The following DLG2 variants were observed in gnomAD, a reference collection of about 807,000 sequenced individuals.
DLG2 encodes disks large homolog 2.
In DLG2, 45 loss-of-function variants were observed where a neutral mutation model predicts 132.5. The ratio of observed to expected loss-of-function variants is 0.34; its 90% CI spans 0.27 to 0.44. The LOEUF (loss-of-function observed/expected upper bound fraction) is 0.44. Among genes scored for constraint, DLG2 ranks in the 20% least tolerant of loss-of-function variants. DLG2 has a pLI of 1.00. For synonymous variants in DLG2, 424 were observed against 419.6 expected (o/e 1.01, Z -0.13); for missense variants, 1,045 against 1,196.9 (o/e 0.87, Z 1.87).
At position 83,769,967 on chromosome 11, in the gene DLG2, C is replaced by T. The variant is rs557202431; in HGVS notation, c.1825+16723G>A. Among the ~76,000 whole-genome samples the T allele has an allele frequency of 3.9e-5, 6 of 152,226 alleles. No homozygotes were observed. In the South Asian group the frequency reaches 8.3e-4, roughly 21 times the overall value. On this transcript the variant is annotated intron_variant, in intron 18 of 27. Coordinates refer to ENST00000376104, the MANE Select transcript of DLG2 (RefSeq NM_001142699.3). The stretch of plus-strand genomic sequence containing the variant: ...TCCTCTGGAATGGAGGGGTGGTGCT[C>T]CAATCTGTGGTGCCCAAAAACCCAA...
intron 7 of DLG2, among the ~76,000 whole-genome samples, chr11:84,348,478 G>A (rs1232095921): frequency 6.6e-6 from 1 of 152,172 alleles, no homozygotes; most frequent in East Asian, 1.9e-4. Context: ...AATATTCAGG[G>A]ATCTCTGGAA....
At chr11:84,794,675 C>G (rs1283138287) in intron 6 of DLG2, among the ~76,000 whole-genome samples, 1 of 152,212 alleles carries the variant, frequency 6.6e-6, no homozygotes, top group Non-Finnish European at 1.5e-5. Flanking sequence ...TGCTCCCGCT[C>G]CCTGGTCTCT....
chr11:83,721,298 C>A (rs974786168), intron 18 of DLG2, among the ~76,000 whole-genome samples: 1 of 152,154 alleles, frequency 6.6e-6, no homozygotes, highest in African/African-American at 2.4e-5. Context: ...TTGCATGGTT[C>A]CAATATGCAT....
intron 6 of DLG2, chr11:84,923,387 T>G: frequency 9.5e-7 from 1 of 1,054,124 alleles, no homozygotes; most frequent in African/African-American, 1.7e-5. Context: ...AAGACCTCAG[T>G]TGCTTTTCCT....
chr11:84,664,744 A>G (rs1178881733), intron 6 of DLG2, among the ~76,000 whole-genome samples: 3 of 152,078 alleles, frequency 2.0e-5, no homozygotes, highest in Admixed American at 2.0e-4. Context: ...AGCCAGCTTT[A>G]TTTTCTATCA....
At chr11:83,597,091 A>G (rs985502618) in intron 19 of DLG2, among the ~76,000 whole-genome samples, 8 of 152,218 alleles carry the variant, frequency 5.3e-5, no homozygotes, top group Non-Finnish European at 1.0e-4. Flanking sequence ...GTTCCAGTTC[A>G]GTCATTGCCA....
chr11:85,094,200 A>G (rs1442900146), intron 6 of DLG2, among the ~76,000 whole-genome samples: 2 of 152,156 alleles, frequency 1.3e-5, no homozygotes, highest in Non-Finnish European at 2.9e-5. Flanking sequence ...TGTTCTTCCA[A>G]TTCTAGAAAA....
chr11:83,728,810 T>C (rs181370858), intron 18 of DLG2, among the ~76,000 whole-genome samples: 2 of 152,324 alleles, frequency 1.3e-5, no homozygotes, highest in Admixed American at 6.5e-5. Context: ...GGGAATCCAT[T>C]TGGTCCCTGC....
chr11:84,853,119 G>A (rs1439669736), intron 6 of DLG2, among the ~76,000 whole-genome samples: 1 of 151,964 alleles, frequency 6.6e-6, no homozygotes, highest in African/African-American at 2.4e-5. Context: ...GAGGTTCAGA[G>A]TGGTTATTTG....
Position 83,755,516 on chromosome 11 carries a change from G to GT in DLG2, c.1825+31173dup, listed in dbSNP as rs2093609702. On this transcript the variant is annotated intron_variant, in intron 18 of 27. Coordinates refer to ENST00000376104, the MANE Select transcript of DLG2 (RefSeq NM_001142699.3). ...ATTAACAAAGGGTAAATATAGGAAT[G>GT]TTTTATTACTTTCCCAGACTCAAAA... 1.3e-5 allele frequency among the ~76,000 whole-genome samples: 2 copies of GT among 151,410 alleles called. 1 individual carries two copies. Among genetic ancestry groups the GT allele is most frequent in the African/African-American group, 4.9e-5 (2 of 40,806 alleles).
At chr11:84,176,451 C>A (rs1596672153) in intron 8 of DLG2, among the ~76,000 whole-genome samples, 2 of 150,912 alleles carry the variant, frequency 1.3e-5, no homozygotes, top group African/African-American at 2.4e-5. Context: ...TACGTATATG[C>A]ACGGGGCAGT....
At chr11:84,383,887 C>T (rs149140896) in intron 7 of DLG2, among the ~76,000 whole-genome samples, 11 of 151,996 alleles carry the variant, frequency 7.2e-5, no homozygotes, top group East Asian at 1.9e-4. Flanking sequence ...AGGGACTGTT[C>T]GTGGAAATGT....
intron 6 of DLG2, among the ~76,000 whole-genome samples, chr11:84,990,988 G>A (rs2057031452): frequency 6.6e-6 from 1 of 152,096 alleles, no homozygotes; most frequent in African/African-American, 2.4e-5. Context: ...TTCAATGGGT[G>A]AATGTTAAAC....
At chr11:85,432,619 G>GA (rs935321996) in intron 3 of DLG2, among the ~76,000 whole-genome samples, 1 of 151,878 alleles carries the variant, frequency 6.6e-6, no homozygotes, top group African/African-American at 2.4e-5. Context: ...CAAGACTAGA[G>GA]AAAAAACAAT....
intron 3 of DLG2, among the ~76,000 whole-genome samples, chr11:85,377,309 A>G (rs2085482433): frequency 6.6e-6 from 1 of 152,172 alleles, no homozygotes. Context: ...CATCAAGCAT[A>G]CCAGGTTTTA....
chr11:85,367,865 A>G (rs2084675002), intron 3 of DLG2, among the ~76,000 whole-genome samples: 1 of 152,176 alleles, frequency 6.6e-6, no homozygotes, highest in Non-Finnish European at 1.5e-5. Context: ...TTTCCATTGC[A>G]TTTATAGAAC....
At chr11:84,217,315 C>A (rs1219671834) in intron 8 of DLG2, among the ~76,000 whole-genome samples, 2 of 152,120 alleles carry the variant, frequency 1.3e-5, no homozygotes, top group African/African-American at 4.8e-5. Flanking sequence ...GTAATTGAAT[C>A]ATGGGGGCAG....
At chr11:85,190,331 A>T (rs2080432375) in intron 4 of DLG2, among the ~76,000 whole-genome samples, 1 of 152,210 alleles carries the variant, frequency 6.6e-6, no homozygotes, top group Admixed American at 6.5e-5. Flanking sequence ...GATATATCAC[A>T]TACCAGAATC....
At chr11:83,603,733 A>T (rs1344846269) in intron 19 of DLG2, among the ~76,000 whole-genome samples, 1 of 152,140 alleles carries the variant, frequency 6.6e-6, no homozygotes, top group Non-Finnish European at 1.5e-5. Flanking sequence ...CTTGATTATC[A>T]ATGATTTTAA....
Sources: allele counts gnomAD v4.1 joint callset (sites outside exome capture counted in the v4.1 genomes callset), GRCh38; gene constraint gnomAD v4.1.1; transcripts MANE v1.5; gene names NCBI Gene and HGNC (gene_info 2026-07-23, HGNC 2026-07-21).